Variants in SEPTIN8 observed in about 807,000 individuals in gnomAD.
SEPTIN8 encodes the protein septin 8.
Under a neutral mutation model 53.1 loss-of-function variants are expected in SEPTIN8, and 22 were observed. That is an observed-to-expected ratio of 0.41 (90% confidence interval 0.30 to 0.59). The LOEUF (loss-of-function observed/expected upper bound fraction) is 0.59, where lower values mean the gene tolerates loss of function less well. SEPTIN8 is among the 20% of genes least tolerant of loss of function. The pLI is 0.24. For synonymous variants in SEPTIN8, 228 were observed against 248.4 expected, an observed-to-expected ratio of 0.92 and a Z score of 0.77; for missense variants, 536 against 638.7, an observed-to-expected ratio of 0.84 and a Z score of 1.73.
intron 9 of SEPTIN8, among the ~76,000 whole-genome samples, chr5:132,755,655 T>C (rs1755260598): frequency 6.6e-6 from 1 of 152,198 alleles, no homozygotes; most frequent in African/African-American, 2.4e-5. Context: ...CGAATATTAG[T>C]AGTCCCGTGG....
In SEPTIN8 at chr5:132,765,449, C is replaced by T. The variant is rs760395563; in HGVS notation, c.111G>A (p.Lys37=). 1 of 1,613,668 alleles carries T rather than the reference C, an allele frequency of 6.2e-7. No homozygotes were observed. Among genetic ancestry groups the T allele is most frequent in the Admixed American group, 1.7e-5 (1 of 60,002 alleles). Residue 37 remains lysine (K), a synonymous_variant, in exon 2 of 10, where the codon AAG becomes AAA. Transcript: ENST00000378719. ...FDSLPDQLVS[K]SVTQGFSFNI... ...TGAAGCTGAAGCCCTGAGTGACCGACTTGCTGACCAGCTGGTCGGGGAGGC... is the reference window on the plus strand; with the variant it reads ...TGAAGCTGAAGCCCTGAGTGACCGATTTGCTGACCAGCTGGTCGGGGAGGC...
chr5:132,772,099 C>A (rs1757383201), intron 1 of SEPTIN8, among the ~76,000 whole-genome samples: 1 of 152,326 alleles, frequency 6.6e-6, no homozygotes, highest in East Asian at 1.9e-4. Flanking sequence ...CAAGGCCAGT[C>A]CTACTCCACC....
rs919011287 is a variant in SEPTIN8, at chr5:132,754,034, A to G, written c.1287-1853T>C. Reference sequence around the variant, plus strand: ...TGGGGTGGGAGGGGAAAGATTTACTAGGTGCAAAGTGGTCAAGGGCCAGAT... The same window carrying G: ...TGGGGTGGGAGGGGAAAGATTTACTGGGTGCAAAGTGGTCAAGGGCCAGAT... On this transcript the variant is annotated intron_variant, in intron 9 of 9. Coordinates refer to ENST00000378719, the MANE Select transcript of SEPTIN8 (RefSeq NM_001098811.2). 6 of 140,242 alleles carry G rather than the reference A, an allele frequency of 4.3e-5. 1 individual carries two copies. The Admixed American group carries it at 4.9e-4, about 11-fold the overall frequency. 8.7% of individuals were successfully genotyped at this position (140,242 alleles called of 1,614,324 possible).
At chr5:132,757,076 A>G (rs969571037) in intron 9 of SEPTIN8, 2 of 985,332 alleles carry the variant, frequency 2.0e-6, no homozygotes, top group Non-Finnish European at 2.4e-6. Flanking sequence ...TCACTGAAGC[A>G]TCAGTTTTCA....
intron 9 of SEPTIN8, chr5:132,758,216 G>C: frequency 2.4e-6 from 3 of 1,225,306 alleles, no homozygotes; most frequent in Middle Eastern, 3.3e-4. Flanking sequence ...GAAAGGTTTA[G>C]CTGTATTTTT....
intron 9 of SEPTIN8, chr5:132,756,061 A>G (rs1755305624): frequency 1.0e-6 from 1 of 985,326 alleles, no homozygotes; most frequent in Non-Finnish European, 1.2e-6. Context: ...GGAAAAGAAC[A>G]AAAACAGTCA....
chr5:132,772,499 C>A (rs190338254), intron 1 of SEPTIN8, among the ~76,000 whole-genome samples: 36 of 152,288 alleles, frequency 2.4e-4, no homozygotes, highest in Non-Finnish European at 4.4e-4. Flanking sequence ...TCAGGGACTC[C>A]AGTGGCAGCC....
intron 9 of SEPTIN8, chr5:132,753,164 T>C (rs990351368): frequency 3.3e-6 from 2 of 599,540 alleles, no homozygotes; most frequent in Non-Finnish European, 5.9e-6. Context: ...CTGAGGTCAG[T>C]AGAGGTCAGG....
chr5:132,768,632 GC>G (rs1756872632), intron 1 of SEPTIN8, among the ~76,000 whole-genome samples: 1 of 152,224 alleles, frequency 6.6e-6, no homozygotes, highest in South Asian at 2.1e-4. Flanking sequence ...GTGGCTACCA[GC>G]CCTGCAATTT....
chr5:132,763,630 A>T, intron 4 of SEPTIN8, 76 bp downstream of exon 4: 1 of 1,388,476 alleles, frequency 7.2e-7, no homozygotes, highest in East Asian at 2.3e-5. Flanking sequence ...CATGGTGTTC[A>T]GGCATGAGGC....
chr5:132,779,350 C>T (rs1190429839), upstream of SEPTIN8, among the ~76,000 whole-genome samples: 1 of 152,196 alleles, frequency 6.6e-6, no homozygotes, highest in African/African-American at 2.4e-5. Flanking sequence ...ATTGGTCTCA[C>T]CGTCAAATAA....
In SEPTIN8 at chr5:132,751,654, C is replaced by A. The variant is rs1240427221; in HGVS notation, c.*362G>T. The A allele has an allele frequency of 9.3e-6, 4 of 429,176 alleles. No individual in the cohort carries two copies. The highest frequency in any genetic ancestry group is 1.6e-5 in the Non-Finnish European group (4 of 243,102). The allele number at this position is 429,176 out of a possible 1,614,324, so 26.6% of individuals were successfully genotyped here. A position where few individuals can be genotyped will look rare whatever the true frequency, so the allele number is the denominator to read the frequency against. The stretch of plus-strand genomic sequence containing the variant: ...TGATAAGCAGATACAAGTAACTTTT[C>A]TGCTACCTTGGTCTTGAATAGTATG... On this transcript the variant is annotated 3_prime_UTR_variant, in exon 10 of 10. Coordinates refer to ENST00000378719, the MANE Select transcript of SEPTIN8 (RefSeq NM_001098811.2).
chr5:132,769,106 C>A (rs1217743723), intron 1 of SEPTIN8, among the ~76,000 whole-genome samples: 3 of 152,184 alleles, frequency 2.0e-5, no homozygotes, highest in African/African-American at 7.2e-5. Context: ...CACTGAGGAC[C>A]ACCATGTGTG....
chr5:132,777,942 T>C (rs970975432), upstream of SEPTIN8: 22 of 985,370 alleles, frequency 2.2e-5, no homozygotes, highest in African/African-American at 2.6e-4. The surrounding 1 kb of genome is among the most constrained non-coding windows in gnomAD (Gnocchi z 4.1). Context: ...AGATTGCAAG[T>C]GTCCATCACC....
At chr5:132,758,392 AG>A in intron 9 of SEPTIN8, 1 of 1,456,562 alleles carries the variant, frequency 6.9e-7, no homozygotes, top group East Asian at 2.5e-5. Context: ...TGAATTTTGC[AG>A]CATGTATACC....
Position 132,776,986 on chromosome 5 carries a change from C to G in SEPTIN8, c.30+122G>C. 1 of 544,850 alleles carries G rather than the reference C, an allele frequency of 1.8e-6. No individual in the cohort carries two copies. 33.8% of individuals were successfully genotyped at this position (544,850 alleles called of 1,614,324 possible). ...GCCCGCGCCGGGGTCCTCGAGCTGG[C>G]CCGGTGTCGAGGCCCGGCCGTGAGG... is the stretch of plus-strand genomic sequence containing the variant. On this transcript the variant is annotated intron_variant, in intron 1 of 9. Transcript: ENST00000378719. The surrounding 1 kb of genome is among the most constrained non-coding windows in gnomAD (Gnocchi z 4.4).
intron 3 of SEPTIN8, 82 bp downstream of exon 3, chr5:132,764,142 G>T: frequency 7.0e-7 from 1 of 1,424,398 alleles, no homozygotes; most frequent in Non-Finnish European, 9.5e-7. Context: ...CCCCTGCAGT[G>T]TGAGGGCTGG....
At position 132,773,926 on chromosome 5, in the gene SEPTIN8, C is replaced by T. The variant is rs184553689; in HGVS notation, c.30+3182G>A. 6.6e-6 allele frequency: 1 copy of T among 152,438 alleles called. No individual in the cohort carries two copies. The highest frequency in any genetic ancestry group is 2.4e-5 in the African/African-American group (1 of 41,568). The allele number at this position is 152,438 out of a possible 1,614,324, so 9.4% of individuals were successfully genotyped here. A position where few individuals can be genotyped will look rare whatever the true frequency, so the allele number is the denominator to read the frequency against. ...GAGGGAGGGCAGGCAGACTCACCTC[C>T]TGGGGGAGAGGGCAGAGCTGCAGCT... On this transcript the variant is annotated intron_variant, in intron 1 of 9. Transcript: ENST00000378719. This position sits in a 1 kb window ranked among gnomAD's most constrained non-coding sequence, Gnocchi z 4.2.
rs1287701070 is a variant in SEPTIN8 at position 132,760,497 on chromosome 5, G to A, written c.1286+305C>T. Among the ~76,000 whole-genome samples, 2 of 152,180 alleles carry A rather than the reference G, an allele frequency of 1.3e-5. No individual in the cohort carries two copies. Among genetic ancestry groups the A allele is most frequent in the Admixed American group, 1.3e-4 (2 of 15,280 alleles). ...GGTGAGCAAGAAAGTTGGAGGAAGAGGAAGAAGGGGGAAGAGAAGGAGAGA... is the reference window on the plus strand; with the variant it reads ...GGTGAGCAAGAAAGTTGGAGGAAGAAGAAGAAGGGGGAAGAGAAGGAGAGA... On this transcript the variant is annotated intron_variant, in intron 9 of 9. Coordinates refer to ENST00000378719, the MANE Select transcript of SEPTIN8 (RefSeq NM_001098811.2). The surrounding 1 kb of genome is among the most constrained non-coding windows in gnomAD (Gnocchi z 5.2).
Sources: allele counts gnomAD v4.1 joint callset (sites outside exome capture counted in the v4.1 genomes callset), GRCh38; gene constraint gnomAD v4.1.1; non-coding constraint Gnocchi (gnomAD v3.1); transcripts MANE v1.5; gene names NCBI Gene and HGNC (gene_info 2026-07-23, HGNC 2026-07-21).